Variants in STARD4 observed in about 807,000 individuals in gnomAD.
STARD4 encodes the protein StAR related lipid transfer domain containing 4.
Under a neutral mutation model 24.9 loss-of-function variants are expected in STARD4, and 33 were observed. That is an observed-to-expected ratio of 1.32 (90% CI 1.00 to 1.77). The LOEUF (loss-of-function observed/expected upper bound fraction) is 1.77. STARD4 is among the 40% of genes most tolerant of loss of function. The pLI, the probability that STARD4 is intolerant of heterozygous loss-of-function variation, is 0.00. For missense variants in STARD4, 238 were observed against 249.3 expected (o/e 0.95, Z 0.31); for synonymous variants, 88 against 77.4 (o/e 1.14, Z -0.72).
rs921114264 is a variant in STARD4 at position 111,501,971 on chromosome 5, G to A, written c.273C>T (p.Asn91=). ...SLMTSLDILE[N]FEENCCVMRY... ...GTTTCTAAATAGATACCTCTTCAAA[G>A]TTCTCCAGAATATCCAAAGAAGTCA... The change falls in exon 4 of 6, where the codon AAC becomes AAT. Residue 91 remains asparagine, a synonymous_variant. Transcript: ENST00000296632. The A allele has an allele frequency of 3.1e-6, 5 of 1,613,948 alleles. No homozygotes were observed. Among genetic ancestry groups the A allele is most frequent in the Non-Finnish European group, 4.2e-6 (5 of 1,179,932 alleles).
chr5:111,504,850 A>G (rs1417385480), intron 3 of STARD4, among the ~76,000 whole-genome samples: 2 of 152,178 alleles, frequency 1.3e-5, no homozygotes, highest in African/African-American at 4.8e-5. Context: ...ACGATTTCCT[A>G]AATGTAAAGT....
intron 1 of STARD4, among the ~76,000 whole-genome samples, chr5:111,508,044 T>C (rs890889798): frequency 3.9e-5 from 6 of 152,186 alleles, no homozygotes; most frequent in African/African-American, 1.4e-4. Context: ...TTTCTGTCCC[T>C]CAAACAGGCT....
At chr5:111,500,762 C>A in intron 5 of STARD4, 1 of 1,426,030 alleles carries the variant, frequency 7.0e-7, no homozygotes, top group Non-Finnish European at 9.1e-7. Context: ...TCATGTGATC[C>A]ACATTTGCTA....
At chr5:111,503,032 A>G (rs1756581986) in intron 3 of STARD4, among the ~76,000 whole-genome samples, 1 of 152,118 alleles carries the variant, frequency 6.6e-6, no homozygotes, top group African/African-American at 2.4e-5. Flanking sequence ...ACTTATTTTT[A>G]TATTCTTTCC....
intron 1 of STARD4, among the ~76,000 whole-genome samples, chr5:111,511,846 T>A (rs1332389128): frequency 6.6e-6 from 1 of 152,176 alleles, no homozygotes; most frequent in Non-Finnish European, 1.5e-5. Context: ...TGACACTGAT[T>A]TGGTGAGAAA....
chr5:111,504,716 TAGA>T (rs2112558082), intron 3 of STARD4, among the ~76,000 whole-genome samples: 2 of 152,314 alleles, frequency 1.3e-5, no homozygotes, highest in East Asian at 3.9e-4. Flanking sequence ...TAACTTGGGG[TAGA>T]AGGAGGTAAA....
Position 111,506,323 on chromosome 5 carries a change from T to A in STARD4, c.155+7A>T, listed in dbSNP as rs775507957. On this transcript the variant is annotated splice_region_variant and intron_variant, in intron 3 of 5. Coordinates refer to ENST00000296632, the MANE Select transcript of STARD4 (RefSeq NM_139164.3). ...AGAGCTGTGTAAGTCTATAAAAAGT[T>A]ACTTACAGATATCCATTAAATTCTT... is the stretch of plus-strand genomic sequence containing the variant. 2 of 1,474,352 alleles carry A rather than the reference T, an allele frequency of 1.4e-6. No homozygotes were observed. The highest frequency in any genetic ancestry group is 1.9e-6 in the Non-Finnish European group (2 of 1,072,936). The allele number at this position is 1,474,352 out of a possible 1,614,324, so 91.3% of individuals were successfully genotyped here. A position where few individuals can be genotyped will look rare whatever the true frequency, so the allele number is the denominator to read the frequency against.
chr5:111,504,760 T>C (rs1756724220), intron 3 of STARD4, among the ~76,000 whole-genome samples: 1 of 152,232 alleles, frequency 6.6e-6, no homozygotes. Flanking sequence ...TAGAAAATCT[T>C]AGATTCAACT....
chr5:111,498,451 C>G lies in STARD4; in HGVS notation c.*1435G>C, dbSNP rs997401693. On this transcript the variant is annotated 3_prime_UTR_variant, in exon 6 of 6. Transcript: ENST00000296632. ...TAGGCACCTTTGGAATTTCACCATC[C>G]TAGATAGAACAGTAGAATATGAGAC... 1 of 151,268 alleles carries G rather than the reference C, an allele frequency of 6.6e-6. No homozygotes were observed. Among genetic ancestry groups the G allele is most frequent in the Non-Finnish European group, 1.5e-5 (1 of 67,800 alleles). The allele number at this position is 151,268 out of a possible 1,614,324, so 9.4% of individuals were successfully genotyped here. A position where few individuals can be genotyped will look rare whatever the true frequency, so the allele number is the denominator to read the frequency against.
chr5:111,506,339 T>A lies in STARD4; in HGVS notation c.146A>T (p.Asn49Ile). Residue 49 changes from asparagine (N) to isoleucine (I), a missense_variant, in exon 3 of 6, where the codon AAT becomes ATT. By Grantham distance (149) the Asn-to-Ile change is moderately radical. Coordinates refer to ENST00000296632, the MANE Select transcript of STARD4 (RefSeq NM_139164.3). ...TVWRKPSEEFNGYLYKAQGVI... is the reference protein window; with the variant it reads ...TVWRKPSEEFIGYLYKAQGVI... ...ATAAAAAGTTACTTACAGATATCCA[T>A]TAAATTCTTCTGAGGGTTTTCTCCA... is the stretch of plus-strand genomic sequence containing the variant. The A allele has an allele frequency of 6.7e-7, 1 of 1,502,518 alleles. No homozygotes were observed. The highest frequency in any genetic ancestry group is 1.8e-4 in the Middle Eastern group (1 of 5,700). 93.1% of individuals were successfully genotyped at this position (1,502,518 alleles called of 1,614,324 possible).
At chr5:111,503,983 T>C (rs1399815265) in intron 3 of STARD4, among the ~76,000 whole-genome samples, 1 of 152,092 alleles carries the variant, frequency 6.6e-6, no homozygotes. Flanking sequence ...TCAAGAAATA[T>C]ACAAAAGATT....
In STARD4 at chr5:111,496,603, AACAG is replaced by A. The variant is rs1756109270; in HGVS notation, c.*3279_*3282del. The A allele has an allele frequency of 6.6e-6, 1 of 152,178 alleles. No individual in the cohort carries two copies. Among genetic ancestry groups the A allele is most frequent in the Admixed American group, 6.5e-5 (1 of 15,268 alleles). The allele number at this position is 152,178 out of a possible 1,614,324, so 9.4% of individuals were successfully genotyped here. The stretch of plus-strand genomic sequence containing the variant: ...GGCAATTACTCAGCCCTAAAAGCTC[AACAG>A]ACAATTAAGGGCTTAAATTATACAA... On this transcript the variant is annotated 3_prime_UTR_variant, in exon 6 of 6. Coordinates refer to ENST00000296632, the MANE Select transcript of STARD4 (RefSeq NM_139164.3).
At chr5:111,508,088 T>C (rs1208008485) in intron 1 of STARD4, among the ~76,000 whole-genome samples, 1 of 152,196 alleles carries the variant, frequency 6.6e-6, no homozygotes, top group Non-Finnish European at 1.5e-5. Flanking sequence ...TTGATACGGC[T>C]AGATCCCAAA....
chr5:111,496,333 C>G lies in STARD4; in HGVS notation c.*3553G>C, dbSNP rs191928085. 6.6e-6 allele frequency: 1 copy of G among 152,180 alleles called. No homozygotes were observed. Among genetic ancestry groups the G allele is most frequent in the East Asian group, 1.9e-4 (1 of 5,176 alleles). 9.4% of individuals were successfully genotyped at this position (152,180 alleles called of 1,614,324 possible). A position where few individuals can be genotyped will look rare whatever the true frequency, so the allele number is the denominator to read the frequency against. On this transcript the variant is annotated 3_prime_UTR_variant, in exon 6 of 6. Transcript: ENST00000296632. The stretch of plus-strand genomic sequence containing the variant: ...ATTATTCTGATGTTTCTTCTACACT[C>G]AAGTCCCAACCTTCTCTACTTCTAG...
In STARD4 at chr5:111,500,350, TA is replaced by T. The variant is rs1756343322; in HGVS notation, c.398-245del. On this transcript the variant is annotated intron_variant, in intron 5 of 5. Transcript: ENST00000296632. Reference sequence around the variant, plus strand: ...CAGAATACATGACATCATATCATCTTAGTACTCCTTGGAAGCTACAAATCTT... The same window carrying T: ...CAGAATACATGACATCATATCATCTTGTACTCCTTGGAAGCTACAAATCTT... 1.3e-5 allele frequency: 16 copies of T among 1,190,334 alleles called. No homozygotes were observed. In the South Asian group the frequency reaches 4.1e-4, roughly 30 times the overall value. 73.7% of individuals were successfully genotyped at this position (1,190,334 alleles called of 1,614,324 possible). A position where few individuals can be genotyped will look rare whatever the true frequency, so the allele number is the denominator to read the frequency against.
chr5:111,499,689 T>TA lies in STARD4; in HGVS notation c.*196dup, dbSNP rs879536461. 0.068 allele frequency: 29,941 copies of TA among 441,206 alleles called. No individual in the cohort carries two copies. The highest frequency in any genetic ancestry group is 0.085 in the East Asian group (2,111 of 24,966). 27.3% of individuals were successfully genotyped at this position (441,206 alleles called of 1,614,324 possible). On this transcript the variant is annotated 3_prime_UTR_variant, in exon 6 of 6. Transcript: ENST00000296632. ...CAGAGTGAGAGCCTGTCTCAAAATT[T>TA]AAAAAAAAAAAAGTGAAAATGCCCT...
Position 111,501,069 on chromosome 5 carries a change from T to C in STARD4, c.330A>G (p.Ile110Met), listed in dbSNP as rs752115911. The C allele has an allele frequency of 5.7e-5, 92 of 1,612,252 alleles. No individual in the cohort carries two copies. The highest frequency in any genetic ancestry group is 7.6e-5 in the Non-Finnish European group (90 of 1,179,546). ...AATCAACAAATTCTCTTGGGGAAAT[T>C]ATATTCCAAAGCTGACCAGCAGTAG... ...RYTTAGQLWN[I>M]ISPREFVDFS... is the part of the protein sequence containing the mutation. The change falls in exon 5 of 6, where the codon ATA becomes ATG. Residue 110 changes from isoleucine to methionine, a missense_variant. Physicochemically the swap from Ile to Met is conservative, Grantham distance 10. Transcript: ENST00000296632.
At chr5:111,502,750 G>A (rs1372733216) in intron 3 of STARD4, among the ~76,000 whole-genome samples, 5 of 151,422 alleles carry the variant, frequency 3.3e-5, no homozygotes, top group Admixed American at 6.6e-5. Context: ...CCGAGATCAC[G>A]CCATTGCACT....
At chr5:111,502,819 GT>G (rs35680827) in intron 3 of STARD4, among the ~76,000 whole-genome samples, 40,229 of 146,532 alleles carry the variant, frequency 0.27, 5,590 homozygotes, top group African/African-American at 0.32. Flanking sequence ...ATAATGAAGG[GT>G]TTTTTTTTTT....
Sources: allele counts gnomAD v4.1 joint callset (sites outside exome capture counted in the v4.1 genomes callset), GRCh38; gene constraint gnomAD v4.1.1; transcripts MANE v1.5; gene names NCBI Gene and HGNC (gene_info 2026-07-23, HGNC 2026-07-21).